The following GABBR2 variants were observed in gnomAD, a reference collection of about 807,000 sequenced individuals.
GABBR2 encodes the protein G-protein coupled receptor 51.
In GABBR2, 23 loss-of-function variants were observed where a neutral mutation model predicts 105.6. The ratio of observed to expected loss-of-function variants is 0.22; its 90% CI spans 0.16 to 0.31. The LOEUF (loss-of-function observed/expected upper bound fraction) is 0.31. Ranked by LOEUF, GABBR2 falls within the 10% of genes least tolerant of loss-of-function variation. The pLI, the probability that GABBR2 is intolerant of heterozygous loss-of-function variation, is 1.00. For missense variants in GABBR2, 734 were observed against 1,245.5 expected (o/e 0.59, Z 6.18); for synonymous variants, 478 against 499.7 (o/e 0.96, Z 0.58).
At chr9:98,499,274 A>T (rs1336752806) in intron 3 of GABBR2, among the ~76,000 whole-genome samples, 1 of 152,258 alleles carries the variant, frequency 6.6e-6, no homozygotes, top group Non-Finnish European at 1.5e-5. Context: ...AATGTTTTAT[A>T]GGTGGTCAGA....
chr9:98,677,981 G>T (rs2131866751), intron 1 of GABBR2, among the ~76,000 whole-genome samples: 1 of 152,132 alleles, frequency 6.6e-6, no homozygotes, highest in South Asian at 2.1e-4. Flanking sequence ...TACCTACCTA[G>T]CTAGCTATCT....
chr9:98,393,172 AT>A (rs1832222582), intron 9 of GABBR2, among the ~76,000 whole-genome samples: 1 of 133,882 alleles, frequency 7.5e-6, no homozygotes, highest in Non-Finnish European at 1.6e-5. Flanking sequence ...CCATCCATCC[AT>A]CCATCCATCC....
chr9:98,329,617 C>G (rs139771452), intron 13 of GABBR2, among the ~76,000 whole-genome samples: 5 of 152,238 alleles, frequency 3.3e-5, no homozygotes, highest in Non-Finnish European at 5.9e-5. Context: ...TGGGGCATCT[C>G]GGCCCTGCCC....
At chr9:98,432,571 A>C (rs1417684788) in intron 7 of GABBR2, among the ~76,000 whole-genome samples, 1 of 152,176 alleles carries the variant, frequency 6.6e-6, no homozygotes, top group African/African-American at 2.4e-5. Flanking sequence ...CAAGCTACAC[A>C]ACCCATTGAT....
intron 1 of GABBR2, among the ~76,000 whole-genome samples, chr9:98,669,326 T>C (rs1830378080): frequency 2.0e-5 from 3 of 152,238 alleles, no homozygotes; most frequent in Admixed American, 2.0e-4. Context: ...TGACCATTTT[T>C]GCATGGGCTT....
chr9:98,449,202 G>C (rs984952582), intron 7 of GABBR2, among the ~76,000 whole-genome samples: 11 of 152,182 alleles, frequency 7.2e-5, no homozygotes, highest in Admixed American at 5.2e-4. Context: ...CAGCAAGTTA[G>C]GATGGCTCCT....
Position 98,389,920 on chromosome 9 carries a change from T to C in GABBR2, c.1379-916A>G, listed in dbSNP as rs538034133. ...GTGGAATCAGCCGGATGTTACAAAGTAGCCAAGCCTGGGAATCTGGGAGCC... is the reference window on the plus strand; with the variant it reads ...GTGGAATCAGCCGGATGTTACAAAGCAGCCAAGCCTGGGAATCTGGGAGCC... On this transcript the variant is annotated intron_variant, in intron 9 of 18. Coordinates refer to ENST00000259455, the MANE Select transcript of GABBR2 (RefSeq NM_005458.8). Among the ~76,000 whole-genome samples, 18 of 152,206 alleles carry C rather than the reference T, an allele frequency of 1.2e-4. 1 individual carries two copies. Among genetic ancestry groups the C allele is most frequent in the Middle Eastern group, 6.8e-3 (2 of 294 alleles).
chr9:98,303,418 G>A lies in GABBR2; in HGVS notation c.2235C>T (p.Ile745=). 1.2e-6 allele frequency: 2 copies of A among 1,614,010 alleles called. No homozygotes were observed. The highest frequency in any genetic ancestry group is 1.7e-6 in the Non-Finnish European group (2 of 1,179,888). ...CTGCATCTGGGTTTGTTCTCAGGGT[G>A]ATGAGCTGAAAGGACAAAGGTTGGG... The part of the protein sequence containing the change: ...TLCLVFVPKL[I]TLRTNPDAAT... The change falls in exon 16 of 19, where the codon ATC becomes ATT. Residue 745 remains isoleucine, a synonymous_variant. Transcript: ENST00000259455.
At chr9:98,481,644 A>G (rs1472286134) in intron 4 of GABBR2, among the ~76,000 whole-genome samples, 2 of 152,180 alleles carry the variant, frequency 1.3e-5, no homozygotes, top group Admixed American at 6.5e-5. Context: ...TTTCCATCTC[A>G]GCCCCAGTTT....
intron 13 of GABBR2, among the ~76,000 whole-genome samples, chr9:98,330,253 T>A (rs998698264): frequency 9.2e-5 from 14 of 152,222 alleles, no homozygotes; most frequent in Non-Finnish European, 1.9e-4. Context: ...GTTTTACCCA[T>A]CTTTTGAAGA....
At chr9:98,688,920 C>T (rs1014442403) in intron 1 of GABBR2, among the ~76,000 whole-genome samples, 2 of 152,098 alleles carry the variant, frequency 1.3e-5, no homozygotes, top group East Asian at 1.9e-4. Context: ...AGAAAGAGCC[C>T]GATCTGAGCC....
At position 98,366,539 on chromosome 9, in the gene GABBR2, T is replaced by C. The variant is rs559640516; in HGVS notation, c.1771-3702A>G. Among the ~76,000 whole-genome samples, 113 of 152,318 alleles carry C rather than the reference T, an allele frequency of 7.4e-4. 1 individual carries two copies. The Middle Eastern group carries it at 0.031, about 42-fold the overall frequency. ...ACTCTCTGGCTCTTTGCAGAAAAAC[T>C]TGGCTGATGCTTGGTTAAGAGAAAA... On this transcript the variant is annotated intron_variant, in intron 12 of 18. Transcript: ENST00000259455.
At position 98,293,883 on chromosome 9, in the gene GABBR2, T is replaced by A. The variant is rs547813684; in HGVS notation, c.2562A>T (p.Leu854Phe). ...GGGGATTTTGATCGAGGTGATTTTT[T>A]AAAATGGCCTTTCCTCCATCTGAAT... The part of the protein sequence containing the change: ...TESTDGGKAI[L>F]KNHLDQNPQL... Residue 854 changes from leucine to phenylalanine, a missense_variant, in exon 18 of 19, where the codon TTA (leucine) becomes TTT (phenylalanine). This residue lies in a region of GABBR2 where 134 missense variants were observed against 171.2 expected (regional missense o/e 0.78). Coordinates refer to ENST00000259455, the MANE Select transcript of GABBR2 (RefSeq NM_005458.8). 4.4e-6 allele frequency: 7 copies of A among 1,607,578 alleles called. No individual in the cohort carries two copies. In the East Asian group the frequency reaches 1.6e-4, roughly 36 times the overall value.
chr9:98,698,067 C>T (rs1480771308), intron 1 of GABBR2, among the ~76,000 whole-genome samples: 4 of 152,202 alleles, frequency 2.6e-5, no homozygotes, highest in Non-Finnish European at 5.9e-5. Context: ...TCAAGTGGAT[C>T]ATAAGAAGAG....
In GABBR2 at chr9:98,363,322, G is replaced by T. The variant is rs533450612; in HGVS notation, c.1771-485C>A. 6.6e-5 allele frequency among the ~76,000 whole-genome samples: 10 copies of T among 152,224 alleles called. No individual in the cohort carries two copies. In the South Asian group the frequency reaches 2.1e-3, roughly 32 times the overall value. On this transcript the variant is annotated intron_variant, in intron 12 of 18. Transcript: ENST00000259455. The stretch of plus-strand genomic sequence containing the variant: ...ACCACAGTAGTAACAACAATGAGAG[G>T]AATAGCTAACATTTAATGAACACTT...
intron 1 of GABBR2, among the ~76,000 whole-genome samples, chr9:98,600,328 G>T (rs895557874): frequency 6.6e-6 from 1 of 152,044 alleles, no homozygotes; most frequent in Non-Finnish European, 1.5e-5. Context: ...TGACCTCCCC[G>T]CTCCAATAGC....
intron 13 of GABBR2, among the ~76,000 whole-genome samples, chr9:98,337,455 C>T (rs1044070992): frequency 6.6e-6 from 1 of 152,178 alleles, no homozygotes; most frequent in Non-Finnish European, 1.5e-5. Context: ...AAAATCCCAA[C>T]AGCCTTTTTT....
intron 2 of GABBR2, among the ~76,000 whole-genome samples, chr9:98,567,505 C>T (rs940188326): frequency 7.9e-5 from 12 of 152,182 alleles, no homozygotes; most frequent in African/African-American, 2.9e-4. Context: ...TCTTCATGGT[C>T]GGTGAGAGTT....
intron 1 of GABBR2, among the ~76,000 whole-genome samples, chr9:98,649,611 G>A (rs1426658717): frequency 1.3e-5 from 2 of 152,234 alleles, no homozygotes; most frequent in East Asian, 1.9e-4. Flanking sequence ...TCACAAGCCC[G>A]GGGACTAAGG....
Sources: allele counts gnomAD v4.1 joint callset (sites outside exome capture counted in the v4.1 genomes callset), GRCh38; gene constraint gnomAD v4.1.1; regional missense constraint gnomAD v4.1.1; transcripts MANE v1.5; gene names NCBI Gene and HGNC (gene_info 2026-07-23, HGNC 2026-07-21).